The following SORL1 variants were observed in gnomAD, a reference collection of about 807,000 sequenced individuals.
SORL1 encodes sortilin-related receptor.
SORL1 carries 127 observed loss-of-function variants against 273.7 expected under a neutral mutation model. The observed-to-expected ratio is 0.46, with a 90% CI of 0.40 to 0.54. SORL1 has a LOEUF of 0.54. Among genes scored for constraint, SORL1 ranks in the 20% least tolerant of loss-of-function variants. The probability of loss-of-function intolerance (pLI) is 0.00; values close to 1 mark genes in which losing one functional copy is unlikely to be tolerated. For missense variants in SORL1, 2,494 were observed against 2,846.1 expected, an observed-to-expected ratio of 0.88 and a Z score of 2.81; for synonymous variants, 1,031 against 1,067.4, an observed-to-expected ratio of 0.97 and a Z score of 0.66.
intron 6 of SORL1, among the ~76,000 whole-genome samples, chr11:121,507,968 ATTG>A (rs1227448685): frequency 6.6e-6 from 1 of 151,684 alleles, no homozygotes; most frequent in Non-Finnish European, 1.5e-5. Context: ...TGTTGTTGTT[ATTG>A]TTGTTCAGGG....
intron 25 of SORL1, among the ~76,000 whole-genome samples, chr11:121,577,876 G>A (rs972941686): frequency 1.3e-5 from 2 of 152,126 alleles, no homozygotes; most frequent in African/African-American, 4.8e-5. Context: ...ATAAGGTAGG[G>A]GTAGTGTTCT....
chr11:121,623,122 A>G (rs1488236714), intron 45 of SORL1, among the ~76,000 whole-genome samples: 1 of 152,264 alleles, frequency 6.6e-6, no homozygotes, highest in African/African-American at 2.4e-5. Context: ...CTTTCAAGTA[A>G]GTTCAAAATG....
At chr11:121,603,907 C>G (rs1455486323) in intron 32 of SORL1, among the ~76,000 whole-genome samples, 1 of 152,302 alleles carries the variant, frequency 6.6e-6, no homozygotes, top group East Asian at 1.9e-4. Context: ...GGCAACTGAA[C>G]TCAGGTGATA....
At chr11:121,506,881 A>G (rs1337600734) in intron 6 of SORL1, among the ~76,000 whole-genome samples, 1 of 151,936 alleles carries the variant, frequency 6.6e-6, no homozygotes, top group Admixed American at 6.6e-5. Flanking sequence ...ATCCTTTATT[A>G]CTTCATTACT....
chr11:121,474,358 C>A (rs1861225927), intron 2 of SORL1, among the ~76,000 whole-genome samples: 1 of 152,154 alleles, frequency 6.6e-6, no homozygotes. Context: ...AGGGGGCAGT[C>A]TGTGGGCATA....
At chr11:121,490,938 A>G (rs1861543981) in intron 5 of SORL1, among the ~76,000 whole-genome samples, 2 of 152,168 alleles carry the variant, frequency 1.3e-5, no homozygotes, top group South Asian at 4.1e-4. Context: ...CAGACATAGT[A>G]TGAGAAGCTA....
At chr11:121,502,438 C>A (rs1861725846) in intron 6 of SORL1, among the ~76,000 whole-genome samples, 1 of 151,900 alleles carries the variant, frequency 6.6e-6, no homozygotes, top group African/African-American at 2.4e-5. Context: ...GCCCGGCCGA[C>A]AATTCTATGT....
chr11:121,496,511 AG>A (rs890400916), intron 5 of SORL1, among the ~76,000 whole-genome samples: 1 of 152,196 alleles, frequency 6.6e-6, no homozygotes, highest in African/African-American at 2.4e-5. Flanking sequence ...CATTCCTCTG[AG>A]ATTCATAACT....
At chr11:121,583,336 TG>T in intron 25 of SORL1, 121 bp from the exon 26 acceptor site, 1 of 1,161,998 alleles carries the variant, frequency 8.6e-7, no homozygotes, top group Middle Eastern at 2.2e-4. Context: ...GAAACCCAGA[TG>T]CTCCCACAGT....
At chr11:121,618,985 GACTCCAGGAT>G in intron 42 of SORL1, 92 bp downstream of exon 42, 1 of 1,369,010 alleles carries the variant, frequency 7.3e-7, no homozygotes, top group Non-Finnish European at 1.0e-6. Context: ...TGCATACCTG[GACTCCAGGAT>G]TGATGTGTGT....
At chr11:121,496,816 C>A in intron 5 of SORL1, 53 bp from the exon 6 acceptor site, 1 of 1,500,404 alleles carries the variant, frequency 6.7e-7, no homozygotes. Flanking sequence ...ACTTCCATGC[C>A]TCTAGTAATT....
intron 16 of SORL1, among the ~76,000 whole-genome samples, chr11:121,551,558 C>G (rs755715430): frequency 6.6e-6 from 1 of 152,096 alleles, no homozygotes; most frequent in Non-Finnish European, 1.5e-5. Flanking sequence ...TCTTTATTCC[C>G]TCTGTGCCCT....
chr11:121,597,468 T>C (rs539957288), intron 32 of SORL1, among the ~76,000 whole-genome samples: 112 of 152,034 alleles, frequency 7.4e-4, no homozygotes, highest in African/African-American at 2.5e-3. Context: ...TTTTTTTTTT[T>C]TTCTTTTGAG....
chr11:121,463,939 C>T (rs1017221574), intron 1 of SORL1, among the ~76,000 whole-genome samples: 3 of 152,198 alleles, frequency 2.0e-5, no homozygotes, highest in Admixed American at 1.3e-4. Context: ...CCTTGTTCTC[C>T]TTGGACCTCA....
At chr11:121,569,082 T>G (rs1862796965) in intron 22 of SORL1, among the ~76,000 whole-genome samples, 1 of 152,256 alleles carries the variant, frequency 6.6e-6, no homozygotes, top group Admixed American at 6.5e-5. Context: ...TATGCCTGTC[T>G]TTACTGCAGT....
chr11:121,536,937 G>A (rs558423670), intron 12 of SORL1, among the ~76,000 whole-genome samples: 1 of 152,138 alleles, frequency 6.6e-6, no homozygotes, highest in Admixed American at 6.5e-5. Context: ...TATGGAGAGC[G>A]CTGGGTGCGG....
intron 21 of SORL1, among the ~76,000 whole-genome samples, chr11:121,566,487 G>A (rs993227675): frequency 7.2e-5 from 11 of 152,102 alleles, no homozygotes; most frequent in African/African-American, 1.2e-4. Flanking sequence ...CTACAGGTGC[G>A]TGCTGCCATG....
At chr11:121,583,366 T>A (rs1014101647) in intron 25 of SORL1, 92 bp from the exon 26 acceptor site, 6 of 1,427,680 alleles carry the variant, frequency 4.2e-6, no homozygotes, top group Non-Finnish European at 5.6e-6. Context: ...TATTCCTACC[T>A]CATGCAAACC....
At chr11:121,567,151 CCTTT>C (rs768018028) in intron 22 of SORL1, 38 bp downstream of exon 22, 13 of 1,549,924 alleles carry the variant, frequency 8.4e-6, no homozygotes, top group African/African-American at 1.4e-5. Context: ...CATCCTCCTT[CCTTT>C]GTTTCCTGCT....
Sources: gnomAD v4.1 joint callset for allele counts (sites outside exome capture counted in the v4.1 genomes callset) on GRCh38, gnomAD v4.1.1 for gene constraint, MANE v1.5 for transcripts, NCBI Gene and HGNC (gene_info 2026-07-23, HGNC 2026-07-21) for gene names.